ULK4: variants seen among roughly 807,000 people sequenced by gnomAD.
The protein encoded by ULK4 is inactive serine/threonine-protein kinase ULK4.
A neutral mutation model predicts 160.6 loss-of-function variants in ULK4; 133 were observed. That is an observed-to-expected ratio of 0.83 (90% CI 0.72 to 0.96). The LOEUF (loss-of-function observed/expected upper bound fraction) is 0.96, where lower values mean the gene tolerates loss of function less well. Among genes scored for constraint, ULK4 ranks in the 40% least tolerant of loss-of-function variants. The pLI is 0.00. For synonymous variants in ULK4, 534 were observed against 539.8 expected (o/e 0.99, Z 0.15); for missense variants, 1,580 against 1,499.5 (o/e 1.05, Z -0.89).
Position 41,800,234 on chromosome 3 carries a change from A to C in ULK4, c.1908T>G (p.Phe636Leu). Residue 636 changes from phenylalanine to leucine, a missense_variant, in exon 20 of 37, where the codon TTT (phenylalanine) becomes TTG (leucine). By Grantham distance (22) the Phe-to-Leu change is conservative. Coordinates refer to ENST00000301831, the MANE Select transcript of ULK4 (RefSeq NM_017886.4). ...TAATAAAGCCCTGGGACTGAGCAGA[A>C]AAGGTGGTACAGACATTTTCAATAA... ...AKIIENVCTTFSAQSQGFITG... is the reference protein window; with the variant it reads ...AKIIENVCTTLSAQSQGFITG... 1 of 1,613,894 alleles carries C rather than the reference A, an allele frequency of 6.2e-7. No homozygotes were observed. Among genetic ancestry groups the C allele is most frequent in the Non-Finnish European group, 8.5e-7 (1 of 1,179,906 alleles).
At chr3:41,306,208 C>G (rs1435758710) in intron 35 of ULK4, among the ~76,000 whole-genome samples, 3 of 63,910 alleles carry the variant, frequency 4.7e-5, no homozygotes, top group Non-Finnish European at 8.2e-5. Context: ...CCACCCCGCC[C>G]GGGAGGGAGG....
At position 41,459,018 on chromosome 3, in the gene ULK4, T is replaced by C. The variant is rs925796732; in HGVS notation, c.3394-3423A>G. On this transcript the variant is annotated intron_variant, in intron 33 of 36. Coordinates refer to ENST00000301831, the MANE Select transcript of ULK4 (RefSeq NM_017886.4). Reference sequence around the variant, plus strand: ...ATCTGCCTGCCTCAGCCTCCCAAAGTGCTGGGATTACAGGTGTCAGCCACC... The same window carrying C: ...ATCTGCCTGCCTCAGCCTCCCAAAGCGCTGGGATTACAGGTGTCAGCCACC... 1.3e-4 allele frequency among the ~76,000 whole-genome samples: 19 copies of C among 150,954 alleles called. No homozygotes were observed. In the East Asian group the frequency reaches 3.6e-3, roughly 29 times the overall value.
At chr3:41,406,081 T>C (rs1405960985) in intron 34 of ULK4, among the ~76,000 whole-genome samples, 1 of 152,226 alleles carries the variant, frequency 6.6e-6, no homozygotes, top group Non-Finnish European at 1.5e-5. Context: ...GGTTTTCTTC[T>C]AGGATTCTTA....
Position 41,855,022 on chromosome 3 carries a change from A to G in ULK4, c.1657-19051T>C, listed in dbSNP as rs556312994. 12 of 151,820 alleles carry G rather than the reference A, an allele frequency of 7.9e-5. No individual in the cohort carries two copies. The East Asian group carries it at 2.3e-3, about 29-fold the overall frequency. The allele number at this position is 151,820 out of a possible 1,614,324, so 9.4% of individuals were successfully genotyped here. Reference sequence around the variant, plus strand: ...ACAATGCATACGTCATCTCAGAGATATATCACAGAATCGGCCTCTGAATTC... The same window carrying G: ...ACAATGCATACGTCATCTCAGAGATGTATCACAGAATCGGCCTCTGAATTC... On this transcript the variant is annotated intron_variant, in intron 17 of 36. Transcript: ENST00000301831.
intron 35 of ULK4, among the ~76,000 whole-genome samples, chr3:41,348,427 T>C (rs1336424318): frequency 6.6e-6 from 1 of 152,030 alleles, no homozygotes; most frequent in East Asian, 1.9e-4. Context: ...TGCAAGGGCT[T>C]TATTGACACT....
intron 17 of ULK4, among the ~76,000 whole-genome samples, chr3:41,880,867 G>A (rs1697491482): frequency 6.6e-6 from 1 of 152,052 alleles, no homozygotes; most frequent in African/African-American, 2.4e-5. Flanking sequence ...AGGTTACAAC[G>A]AGCCAAGATC....
At chr3:41,865,897 G>A (rs1359694226) in intron 17 of ULK4, among the ~76,000 whole-genome samples, 7 of 151,284 alleles carry the variant, frequency 4.6e-5, no homozygotes, top group Non-Finnish European at 8.8e-5. Flanking sequence ...GACAACAAAA[G>A]AACCATTCGT....
intron 31 of ULK4, among the ~76,000 whole-genome samples, chr3:41,584,161 T>C (rs906174176): frequency 3.9e-5 from 6 of 152,200 alleles, no homozygotes; most frequent in African/African-American, 1.4e-4. Context: ...GGGAGAAGAT[T>C]ATACAAAGAC....
intron 22 of ULK4, among the ~76,000 whole-genome samples, chr3:41,729,053 GAATA>G (rs2037741558): frequency 6.6e-6 from 1 of 152,210 alleles, no homozygotes; most frequent in Admixed American, 6.5e-5. Flanking sequence ...CCAAAACAAT[GAATA>G]AATAACTCCA....
At chr3:41,898,314 C>A in intron 14 of ULK4, 118 bp downstream of exon 14, 1 of 638,216 alleles carries the variant, frequency 1.6e-6, no homozygotes, top group African/African-American at 1.9e-5. Flanking sequence ...AAGAATATAG[C>A]CAATTGTCAA....
intron 25 of ULK4, 137 bp downstream of exon 25, chr3:41,715,100 A>G (rs765776870): frequency 8.5e-6 from 7 of 825,454 alleles, no homozygotes; most frequent in Non-Finnish European, 1.3e-5. Context: ...ACAGATAAAA[A>G]TATTAAAAGG....
chr3:41,822,722 A>T (rs2041186145), intron 18 of ULK4, among the ~76,000 whole-genome samples: 3 of 109,482 alleles, frequency 2.7e-5, no homozygotes, highest in Admixed American at 1.0e-4. Context: ...CCGGGCTGAG[A>T]TTTTTTTTTT....
chr3:41,778,146 A>T (rs1255790228), intron 21 of ULK4, among the ~76,000 whole-genome samples: 1 of 122,148 alleles, frequency 8.2e-6, no homozygotes, highest in African/African-American at 4.2e-5. Flanking sequence ...CTCAGGATAC[A>T]AAATCAATGT....
At chr3:41,425,116 C>G (rs930913586) in intron 34 of ULK4, among the ~76,000 whole-genome samples, 3 of 152,022 alleles carry the variant, frequency 2.0e-5, no homozygotes, top group Admixed American at 6.6e-5. Context: ...ACAGACGGAG[C>G]TGAAAAACCA....
chr3:41,707,453 G>A (rs1346642425), intron 25 of ULK4, among the ~76,000 whole-genome samples: 1 of 152,086 alleles, frequency 6.6e-6, no homozygotes, highest in Non-Finnish European at 1.5e-5. Flanking sequence ...AAAAATATTT[G>A]TAAACCACAT....
At chr3:41,922,457 G>A (rs1230004823) in intron 5 of ULK4, among the ~76,000 whole-genome samples, 3 of 152,064 alleles carry the variant, frequency 2.0e-5, no homozygotes, top group Admixed American at 1.3e-4. Flanking sequence ...ACTGCAAGAC[G>A]AAGGAAAGGG....
intron 31 of ULK4, among the ~76,000 whole-genome samples, chr3:41,600,938 G>T (rs1376153991): frequency 6.6e-6 from 1 of 152,182 alleles, no homozygotes; most frequent in Non-Finnish European, 1.5e-5. Context: ...GACAAAAACA[G>T]ATGCCTATTT....
rs866508104 is a variant in ULK4, at chr3:41,794,685, A to G, written c.2011-4842T>C. Among the ~76,000 whole-genome samples, 141 of 129,080 alleles carry G rather than the reference A, an allele frequency of 1.1e-3. 5 individuals carry two copies. The highest frequency in any genetic ancestry group is 4.3e-3 in the African/African-American group (134 of 30,950). 84.7% of individuals were successfully genotyped at this position (129,080 alleles called of 152,430 possible). Reference sequence around the variant, plus strand: ...CAAAAAAAAAAAAAAAAAAAAAAAAAACACAGAAAAAAAAACCACAAACCT... The same window carrying G: ...CAAAAAAAAAAAAAAAAAAAAAAAAGACACAGAAAAAAAAACCACAAACCT... On this transcript the variant is annotated intron_variant, in intron 20 of 36. Coordinates refer to ENST00000301831, the MANE Select transcript of ULK4 (RefSeq NM_017886.4).
chr3:41,349,271 C>T (rs1358885602), intron 35 of ULK4, among the ~76,000 whole-genome samples: 1 of 152,196 alleles, frequency 6.6e-6, no homozygotes, highest in Non-Finnish European at 1.5e-5. Flanking sequence ...CATATAACTC[C>T]TGGAAGGCAG....
Sources: allele counts gnomAD v4.1 joint callset (sites outside exome capture counted in the v4.1 genomes callset), GRCh38; gene constraint gnomAD v4.1.1; transcripts MANE v1.5; gene names NCBI Gene and HGNC (gene_info 2026-07-23, HGNC 2026-07-21).